GNS: variants seen among roughly 807,000 people sequenced by gnomAD.
The protein encoded by GNS is glucosamine (N-acetyl)-6-sulfatase.
In GNS, 40 loss-of-function variants were observed where a neutral mutation model predicts 69.7. The observed-to-expected ratio is 0.57, with a 90% CI of 0.45 to 0.75. The LOEUF (loss-of-function observed/expected upper bound fraction) is 0.75, where lower values mean the gene tolerates loss of function less well. GNS is among the 30% of genes least tolerant of loss of function. The pLI, the probability that GNS is intolerant of heterozygous loss-of-function variation, is 0.00. For missense variants in GNS, 565 were observed against 685.5 expected (o/e 0.82, Z 1.96); for synonymous variants, 243 against 251.6 (o/e 0.97, Z 0.32).
Position 64,747,775 on chromosome 12 carries a change from G to T in GNS, c.396C>A (p.Phe132Leu), listed in dbSNP as rs1437509906. ...SWQKIQEPNT[F>L]PAILRSMCGY... ...CACACATTGATCTGAGAATTGCTGG[G>T]AAAGTATTTGGTTCTTGGATCTTCT... Residue 132 changes from phenylalanine (F) to leucine (L), a missense_variant, in exon 3 of 14, where the codon TTC becomes TTA. This residue lies in a region of GNS where 181 missense variants were observed against 174.4 expected (regional missense o/e 1.04). Transcript: ENST00000258145. 19 of 1,612,838 alleles carry T rather than the reference G, an allele frequency of 1.2e-5. 1 individual carries two copies. The highest frequency in any genetic ancestry group is 1.6e-5 in the Non-Finnish European group (19 of 1,178,834).
intron 11 of GNS, among the ~76,000 whole-genome samples, 156 bp from the exon 12 acceptor site, chr12:64,721,861 T>C (rs1377456387): frequency 6.6e-6 from 1 of 152,092 alleles, no homozygotes; most frequent in Non-Finnish European, 1.5e-5. Context: ...CAAAAACAGA[T>C]GTGAGGTTTT....
rs777803714 is a variant in GNS at position 64,721,559 on chromosome 12, A to G, written c.1419+36T>C. 10 of 951,380 alleles carry G rather than the reference A, an allele frequency of 1.1e-5. No individual in the cohort carries two copies. The East Asian group carries it at 2.4e-4, about 23-fold the overall frequency. The allele number at this position is 951,380 out of a possible 1,614,324, so 58.9% of individuals were successfully genotyped here. On this transcript the variant is annotated intron_variant, in intron 12 of 13. Coordinates refer to ENST00000258145, the MANE Select transcript of GNS (RefSeq NM_002076.4). ...CCAGCCAACAAAGCACCAGCAAGAA[A>G]GGAGCGGGGGAAGTGCAGGCAGAAG...
In GNS at chr12:64,750,230, T is replaced by C. The variant is rs138980725; in HGVS notation, c.253-2312A>G. Among the ~76,000 whole-genome samples the C allele has an allele frequency of 1.1e-4, 17 of 152,118 alleles. No homozygotes were observed. In the East Asian group the frequency reaches 1.5e-3, roughly 14 times the overall value. ...CCCGGCTAATTTTTTGTATTTTTGG[T>C]AGAGATGGGGTTTCACCATGTTGGG... is the stretch of plus-strand genomic sequence containing the variant. On this transcript the variant is annotated intron_variant, in intron 2 of 13. Transcript: ENST00000258145.
rs886049772 is a variant in GNS, at chr12:64,747,834, T to C, written c.337A>G (p.Thr113Ala). Residue 113 changes from threonine (T) to alanine (A), a missense_variant, in exon 3 of 14, where the codon ACT becomes GCT. Coordinates refer to ENST00000258145, the MANE Select transcript of GNS (RefSeq NM_002076.4). Reference protein sequence around the residue: ...YPHNHHVVNNTLEGNCSSKSW... With the variant: ...YPHNHHVVNNALEGNCSSKSW... ...TTACTACTGCAGTTCCCCTCCAGAG[T>C]GTTGTTCACAACGTGATGATTATGT... 4.4e-6 allele frequency: 7 copies of C among 1,608,684 alleles called. No individual in the cohort carries two copies. The highest frequency in any genetic ancestry group is 6.0e-6 in the Non-Finnish European group (7 of 1,175,152).
rs543333413 is a variant in GNS, at chr12:64,717,371, G to C, written c.1581-552C>G. On this transcript the variant is annotated intron_variant, in intron 13 of 13. Coordinates refer to ENST00000258145, the MANE Select transcript of GNS (RefSeq NM_002076.4). ...CATTTTTGGTGGGGGCGCTGGCAGG[G>C]GGACAGAGTCAGTCTGTCGCCCAGG... Among the ~76,000 whole-genome samples, 155 of 152,252 alleles carry C rather than the reference G, an allele frequency of 1.0e-3. 1 individual carries two copies. The highest frequency in any genetic ancestry group is 3.6e-3 in the African/African-American group (148 of 41,548).
chr12:64,737,412 C>T (rs1427401426), intron 8 of GNS, among the ~76,000 whole-genome samples: 2 of 152,142 alleles, frequency 1.3e-5, no homozygotes, highest in Non-Finnish European at 2.9e-5. Context: ...GCTACTCAGC[C>T]TCATCACAAC....
At chr12:64,743,429 AT>A (rs1869808528) in intron 5 of GNS, 121 bp from the exon 6 acceptor site, 1 of 735,472 alleles carries the variant, frequency 1.4e-6, no homozygotes, top group Non-Finnish European at 2.4e-6. Context: ...ATCTTAGCAC[AT>A]GATCTTATGT....
intron 8 of GNS, 118 bp from the exon 9 acceptor site, chr12:64,737,225 G>A: frequency 1.4e-6 from 1 of 704,422 alleles, no homozygotes; most frequent in South Asian, 1.5e-5. Context: ...TGATTCTGGT[G>A]TTTTAATAGA....
Position 64,729,027 on chromosome 12 carries a change from T to C in GNS, c.1129A>G (p.Thr377Ala), listed in dbSNP as rs2136240564. 4.4e-6 allele frequency: 7 copies of C among 1,595,198 alleles called. No individual in the cohort carries two copies. Among genetic ancestry groups the C allele is most frequent in the Non-Finnish European group, 6.0e-6 (7 of 1,162,744 alleles). The change falls in exon 10 of 14, where the codon ACT becomes GCT. Residue 377 changes from threonine (T) to alanine (A), a missense_variant. Physicochemically the swap from Thr to Ala is moderately conservative, Grantham distance 58 (BLOSUM62 0). Around this residue, in one of 2 missense-constraint regions of GNS, gnomAD observed 384 missense variants for 511.0 expected, o/e 0.75. Coordinates refer to ENST00000258145, the MANE Select transcript of GNS (RefSeq NM_002076.4). ...TCGTAGCCAGCAATGTCCAAAATAG[T>C]AGGACCCAAGTCAATGTTGGCAACC... ...MLVANIDLGP[T>A]ILDIAGYDLN...
intron 9 of GNS, among the ~76,000 whole-genome samples, chr12:64,733,046 G>C (rs1282632295): frequency 6.6e-6 from 1 of 151,932 alleles, no homozygotes; most frequent in Non-Finnish European, 1.5e-5. Context: ...GAGGGGAGGA[G>C]GGCTGATTGC....
Position 64,747,851 on chromosome 12 carries a change from T to C in GNS, c.320A>G (p.His107Arg). Residue 107 changes from histidine to arginine, a missense_variant, in exon 3 of 14, where the codon CAT becomes CGT. By Grantham distance (29) the His-to-Arg change is conservative (BLOSUM62 0). Transcript: ENST00000258145. ...SILTGKYPHNHHVVNNTLEGN... is the reference protein window; with the variant it reads ...SILTGKYPHNRHVVNNTLEGN... ...CTCCAGAGTGTTGTTCACAACGTGATGATTATGTGGGTACTTTCCTGTCAG... is the reference window on the plus strand; with the variant it reads ...CTCCAGAGTGTTGTTCACAACGTGACGATTATGTGGGTACTTTCCTGTCAG... The C allele has an allele frequency of 1.2e-6, 2 of 1,610,848 alleles. No individual in the cohort carries two copies. The highest frequency in any genetic ancestry group is 1.7e-6 in the Non-Finnish European group (2 of 1,177,006).
Position 64,736,910 on chromosome 12 carries a change from A to G in GNS, c.1098+94T>C, listed in dbSNP as rs114923783. On this transcript the variant is annotated intron_variant, in intron 9 of 13. Coordinates refer to ENST00000258145, the MANE Select transcript of GNS (RefSeq NM_002076.4). ...CTTCTGCTGCTCAGCCCTAGTGGGA[A>G]GAGGAACCTAACCAATCTTATCTCA... The G allele has an allele frequency of 4.4e-4, 334 of 767,810 alleles. 1 individual carries two copies. In the African/African-American group the frequency reaches 5.3e-3, roughly 12 times the overall value. 47.6% of individuals were successfully genotyped at this position (767,810 alleles called of 1,614,324 possible). A position where few individuals can be genotyped will look rare whatever the true frequency, so the allele number is the denominator to read the frequency against.
chr12:64,749,248 C>CTTTTTTTTTTTTT (rs759239939), intron 2 of GNS, among the ~76,000 whole-genome samples: 1 of 65,054 alleles, frequency 1.5e-5, no homozygotes, highest in Admixed American at 2.1e-4. Flanking sequence ...CTTGATTTGG[C>CTTTTTTTTTTTTT]TTTTTTTTTT....
chr12:64,749,796 CTCTTTT>C (rs1343602078), intron 2 of GNS, among the ~76,000 whole-genome samples: 7 of 150,804 alleles, frequency 4.6e-5, no homozygotes, highest in Non-Finnish European at 1.0e-4. Flanking sequence ...TTAACTCTTT[CTCTTTT>C]TGTTTTCTGA....
intron 3 of GNS, chr12:64,745,928 C>T: frequency 1.7e-6 from 1 of 572,610 alleles, no homozygotes; most frequent in South Asian, 2.3e-5. Context: ...GCCAGTGAGC[C>T]AAATCTGGCC....
At chr12:64,750,465 G>C (rs1565628014) in intron 2 of GNS, among the ~76,000 whole-genome samples, 2 of 151,948 alleles carry the variant, frequency 1.3e-5, no homozygotes, top group Non-Finnish European at 2.9e-5. Flanking sequence ...TAACATGCTG[G>C]GATTACAGCA....
In GNS at chr12:64,714,294, C is replaced by T. The variant is rs567930294; in HGVS notation, c.*2447G>A. 6 of 152,156 alleles carry T rather than the reference C, an allele frequency of 3.9e-5. No individual in the cohort carries two copies. The highest frequency in any genetic ancestry group is 3.3e-4 in the Admixed American group (5 of 15,268). The allele number at this position is 152,156 out of a possible 1,614,324, so 9.4% of individuals were successfully genotyped here. On this transcript the variant is annotated 3_prime_UTR_variant, in exon 14 of 14. Transcript: ENST00000258145. ...TCATTCCTAATGTTTACATGGTTCT[C>T]TACTCTGAAGGGCACCAACATGGAC...
In GNS at chr12:64,714,791, G is replaced by A. The variant is rs1340007705; in HGVS notation, c.*1950C>T. On this transcript the variant is annotated 3_prime_UTR_variant, in exon 14 of 14. Coordinates refer to ENST00000258145, the MANE Select transcript of GNS (RefSeq NM_002076.4). ...GTCAACTTTCATTAATGTGGAAGTT[G>A]ACTGATAATGTTAAGAGTCAAAGTG... 6.6e-6 allele frequency: 1 copy of A among 152,436 alleles called. No individual in the cohort carries two copies. The highest frequency in any genetic ancestry group is 1.9e-4 in the East Asian group (1 of 5,200). The allele number at this position is 152,436 out of a possible 1,614,324, so 9.4% of individuals were successfully genotyped here.
chr12:64,742,917 T>C (rs1869791753), intron 6 of GNS, among the ~76,000 whole-genome samples: 1 of 152,204 alleles, frequency 6.6e-6, no homozygotes, highest in Non-Finnish European at 1.5e-5. Flanking sequence ...TGGCATTCTT[T>C]ACCATTCCCT....
Sources: gnomAD v4.1 joint callset for allele counts (sites outside exome capture counted in the v4.1 genomes callset) on GRCh38, gnomAD v4.1.1 for gene constraint, gnomAD v4.1.1 regional missense constraint, MANE v1.5 for transcripts, NCBI Gene and HGNC (gene_info 2026-07-23, HGNC 2026-07-21) for gene names.